Variants in PSMC1 observed in about 807,000 individuals in gnomAD.
The protein encoded by PSMC1 is 26S proteasome regulatory subunit 4.
Under a neutral mutation model 49.8 loss-of-function variants are expected in PSMC1, and 5 were observed. The ratio of observed to expected loss-of-function variants is 0.10; its 90% confidence interval spans 0.05 to 0.21. The LOEUF (loss-of-function observed/expected upper bound fraction) is 0.21, where lower values mean the gene tolerates loss of function less well. Among genes scored for constraint, PSMC1 ranks in the 10% least tolerant of loss-of-function variants. The pLI, the probability that PSMC1 is intolerant of heterozygous loss-of-function variation, is 1.00. For missense variants in PSMC1, 181 were observed against 535.7 expected (o/e 0.34, Z 6.54); for synonymous variants, 155 against 192.1 (o/e 0.81, Z 1.60).
chr14:90,269,690 C>T (rs1426972681), intron 9 of PSMC1, 142 bp downstream of exon 9: 1 of 872,850 alleles, frequency 1.1e-6, no homozygotes, highest in Non-Finnish European at 1.7e-6. Context: ...AAAATAGGTC[C>T]TCTTGAGATG....
At chr14:90,263,628 G>A (rs745882963) in intron 4 of PSMC1, 34 bp from the exon 5 acceptor site, 1 of 1,604,704 alleles carries the variant, frequency 6.2e-7, no homozygotes, top group Non-Finnish European at 8.5e-7. Flanking sequence ...TTGAGGTCTA[G>A]TCTGCTTTTT....
chr14:90,265,338 T>C (rs554115671), intron 7 of PSMC1, among the ~76,000 whole-genome samples, 172 bp downstream of exon 7: 41 of 144,048 alleles, frequency 2.8e-4, no homozygotes, highest in African/African-American at 1.0e-3. Flanking sequence ...TTAAAAATAC[T>C]GATGGAAAAA....
chr14:90,267,170 C>T (rs1463592897), intron 7 of PSMC1, among the ~76,000 whole-genome samples: 6 of 151,288 alleles, frequency 4.0e-5, no homozygotes, highest in Non-Finnish European at 8.8e-5. Flanking sequence ...TGCTCTGTCG[C>T]CCAGGCTGGA....
intron 10 of PSMC1, 179 bp downstream of exon 10, chr14:90,270,531 A>G: frequency 1.5e-6 from 1 of 669,560 alleles, no homozygotes; most frequent in Non-Finnish European, 2.3e-6. Flanking sequence ...GTCATTCTTA[A>G]TGCATCATTT....
chr14:90,260,261 A>C, intron 3 of PSMC1, 50 bp downstream of exon 3: 2 of 1,335,714 alleles, frequency 1.5e-6, no homozygotes, highest in Non-Finnish European at 2.1e-6. Flanking sequence ...AGGATAAACC[A>C]TCTCTGTGCA....
chr14:90,256,650 C>A (rs1183008880), intron 1 of PSMC1, 50 bp downstream of exon 1: 7 of 1,572,470 alleles, frequency 4.5e-6, no homozygotes, highest in African/African-American at 1.3e-5. Flanking sequence ...GCGATGGGGT[C>A]TCAGCAGCCT....
chr14:90,270,042 A>C (rs1223120772), intron 9 of PSMC1, 156 bp from the exon 10 acceptor site: 3 of 751,112 alleles, frequency 4.0e-6, no homozygotes, highest in Non-Finnish European at 6.3e-6. Flanking sequence ...TACAAACTAC[A>C]AAAATATATG....
Position 90,263,835 on chromosome 14 carries a change from G to A in PSMC1, c.453G>A (p.Leu151=), listed in dbSNP as rs771604934. ...KDLLEPGCSV[L]LNHKVHAVIG... The stretch of plus-strand genomic sequence containing the variant: ...TGCTGGAACCTGGCTGCTCGGTCCT[G>A]CTCAACCACAAGGTGAGGTGATAGT... The change falls in exon 5 of 11, where the codon CTG becomes CTA. Residue 151 remains leucine (L), a synonymous_variant. Coordinates refer to ENST00000261303, the MANE Select transcript of PSMC1 (RefSeq NM_002802.3). The A allele has an allele frequency of 3.1e-6, 5 of 1,614,030 alleles. No individual in the cohort carries two copies. In the East Asian group the frequency reaches 1.1e-4, roughly 36 times the overall value.
Position 90,263,572 on chromosome 14 carries a change from G to C in PSMC1, c.280-90G>C, listed in dbSNP as rs1017632991. The C allele has an allele frequency of 6.0e-6, 9 of 1,494,976 alleles. No homozygotes were observed. In the Admixed American group the frequency reaches 7.5e-5, roughly 12 times the overall value. 92.6% of individuals were successfully genotyped at this position (1,494,976 alleles called of 1,614,324 possible). On this transcript the variant is annotated intron_variant, in intron 4 of 10. Coordinates refer to ENST00000261303, the MANE Select transcript of PSMC1 (RefSeq NM_002802.3). ...GAGTATTATTAGCTGCCTTTTACAA[G>C]CATCGGCTGCTTTGTAAATCTAGCG...
intron 7 of PSMC1, 81 bp downstream of exon 7, chr14:90,265,247 AATAAG>A (rs146245088): frequency 0.19 from 181,680 of 952,294 alleles, 18,770 homozygotes; most frequent in South Asian, 0.24. Context: ...TTACTGAACT[AATAAG>A]AGAGGACACC....
rs911251094 is a variant in PSMC1 at position 90,272,608 on chromosome 14, C to T, written c.*201C>T. The T allele has an allele frequency of 1.5e-4, 74 of 483,314 alleles. 3 individuals are homozygous for T. Among genetic ancestry groups the T allele is most frequent in the Non-Finnish European group, 1.2e-4 (32 of 264,216 alleles). 29.9% of individuals were successfully genotyped at this position (483,314 alleles called of 1,614,324 possible). A position where few individuals can be genotyped will look rare whatever the true frequency, so the allele number is the denominator to read the frequency against. ...TGCAGCAGTCTGCTTCCCAATAAAG[C>T]GTGCTCTTTCACAAACACTTCCTGT... On this transcript the variant is annotated 3_prime_UTR_variant, in exon 11 of 11. Coordinates refer to ENST00000261303, the MANE Select transcript of PSMC1 (RefSeq NM_002802.3). This position sits in a 1 kb window ranked among gnomAD's most constrained non-coding sequence, Gnocchi z 4.5.
chr14:90,267,321 AT>A (rs1406430353), intron 7 of PSMC1, among the ~76,000 whole-genome samples: 1 of 151,454 alleles, frequency 6.6e-6, no homozygotes, highest in East Asian at 1.9e-4. Context: ...GCTGGCTAAT[AT>A]TGTAACTTTT....
chr14:90,264,773 CA>C (rs1891471379), intron 6 of PSMC1, among the ~76,000 whole-genome samples: 1 of 152,162 alleles, frequency 6.6e-6, no homozygotes. Flanking sequence ...TGAAAAGGGT[CA>C]ACTTGAGCTT....
chr14:90,268,660 A>C lies in PSMC1; in HGVS notation c.881+247A>C, dbSNP rs1772489973. 3 of 410,218 alleles carry C rather than the reference A, an allele frequency of 7.3e-6. No individual in the cohort carries two copies. The Admixed American group carries it at 1.2e-4, about 17-fold the overall frequency. 25.4% of individuals were successfully genotyped at this position (410,218 alleles called of 1,614,324 possible). ...TGAGCACCCGCCCTGATCCAGGACC[A>C]TCTGGACTCTAGGGACACAGTTGTG... On this transcript the variant is annotated intron_variant, in intron 8 of 10. Transcript: ENST00000261303.
At chr14:90,262,257 C>G (rs576963252) in intron 3 of PSMC1, among the ~76,000 whole-genome samples, 31 of 151,358 alleles carry the variant, frequency 2.0e-4, no homozygotes, top group African/African-American at 6.8e-4. Context: ...TGTAACAAAC[C>G]TGCACGTCAT....
intron 8 of PSMC1, chr14:90,268,631 G>A: frequency 2.0e-6 from 1 of 511,128 alleles, no homozygotes; most frequent in Non-Finnish European, 3.4e-6. Context: ...GAATAACCAT[G>A]TCTTGAGCAC....
At chr14:90,268,158 C>A in intron 7 of PSMC1, 66 bp from the exon 8 acceptor site, 3 of 1,335,670 alleles carry the variant, frequency 2.2e-6, no homozygotes, top group South Asian at 1.5e-5. Context: ...GGTAATGATA[C>A]GAGTTTTTAA....
intron 5 of PSMC1, 46 bp downstream of exon 5, chr14:90,263,893 T>C (rs1891453877): frequency 1.2e-6 from 2 of 1,608,898 alleles, no homozygotes; most frequent in African/African-American, 1.3e-5. Flanking sequence ...GTGCTTTCTC[T>C]TCTCACTTAG....
chr14:90,273,936 C>T lies in PSMC1; in HGVS notation c.*1529C>T, dbSNP rs1891732675. On this transcript the variant is annotated 3_prime_UTR_variant, in exon 11 of 11. Coordinates refer to ENST00000261303, the MANE Select transcript of PSMC1 (RefSeq NM_002802.3). ...ATGGATCCTTGTGATTGCATTGGAC[C>T]CATGCAGATGATCCAGGATAATTTC... 6.5e-6 allele frequency: 1 copy of T among 154,768 alleles called. No homozygotes were observed. Among genetic ancestry groups the T allele is most frequent in the South Asian group, 2.0e-4 (1 of 4,918 alleles). The allele number at this position is 154,768 out of a possible 1,614,324, so 9.6% of individuals were successfully genotyped here.
Sources: allele counts gnomAD v4.1 joint callset (sites outside exome capture counted in the v4.1 genomes callset), GRCh38; gene constraint gnomAD v4.1.1; non-coding constraint Gnocchi (gnomAD v3.1); transcripts MANE v1.5; gene names NCBI Gene and HGNC (gene_info 2026-07-23, HGNC 2026-07-21).